RCOR3: variants seen among roughly 807,000 people sequenced by gnomAD.
The protein encoded by RCOR3 is REST corepressor 3.
RCOR3 carries 13 observed loss-of-function variants against 64.1 expected under a neutral mutation model. That is an observed-to-expected ratio of 0.20 (90% CI 0.13 to 0.32). RCOR3 has a LOEUF of 0.32. RCOR3 is among the 10% of genes least tolerant of loss of function. RCOR3 has a pLI of 1.00. For missense variants in RCOR3, 489 were observed against 701.2 expected (o/e 0.70, Z 3.42); for synonymous variants, 215 against 239.0 (o/e 0.90, Z 0.93).
At position 211,259,507 on chromosome 1, in the gene RCOR3, C is replaced by T. The variant is rs1329952225; in HGVS notation, c.-54C>T. 2.5e-5 allele frequency: 38 copies of T among 1,525,714 alleles called. No individual in the cohort carries two copies. Among genetic ancestry groups the T allele is most frequent in the Non-Finnish European group, 3.2e-5 (36 of 1,134,946 alleles). The allele number at this position is 1,525,714 out of a possible 1,614,324, so 94.5% of individuals were successfully genotyped here. A position where few individuals can be genotyped will look rare whatever the true frequency, so the allele number is the denominator to read the frequency against. On this transcript the variant is annotated 5_prime_UTR_variant, in exon 1 of 12. Transcript: ENST00000419091. ...CGCCCGCGCTCTAAGCCATCTCCGCCTTCACCCTGACGCCTGCCTCTTCCC... is the reference window on the plus strand; with the variant it reads ...CGCCCGCGCTCTAAGCCATCTCCGCTTTCACCCTGACGCCTGCCTCTTCCC...
At position 211,313,707 on chromosome 1, in the gene RCOR3, G is replaced by A; in HGVS notation, c.1601G>A (p.Gly534Asp). 1.2e-5 allele frequency: 19 copies of A among 1,614,194 alleles called. No homozygotes were observed. The highest frequency in any genetic ancestry group is 1.5e-5 in the Non-Finnish European group (18 of 1,180,040). The change falls in exon 12 of 12, where the codon GGT (glycine) becomes GAT (aspartate). Residue 534 changes from glycine to aspartate, a missense_variant. By Grantham distance (94) the Gly-to-Asp change is moderately conservative. Coordinates refer to ENST00000419091, the MANE Select transcript of RCOR3 (RefSeq NM_001136223.3). This position sits in a 1 kb window ranked among gnomAD's most constrained non-coding sequence, Gnocchi z 4.7. ...CCAAGACCGGTGTTGTCCACGGTTG[G>A]TGGTCAACAGCCACCATCACTTATT... Reference protein sequence around the residue: ...LNPRPVLSTVGGQQPPSLIGI... With the variant: ...LNPRPVLSTVDGQQPPSLIGI...
intron 8 of RCOR3, among the ~76,000 whole-genome samples, chr1:211,293,869 AAAAAGT>A (rs2102596696): frequency 6.6e-6 from 1 of 152,332 alleles, no homozygotes; most frequent in South Asian, 2.1e-4. Flanking sequence ...AAACAGAGGA[AAAAAGT>A]AAACAATCCT....
chr1:211,315,834 A>G lies in RCOR3; in HGVS notation c.*2066A>G, dbSNP rs1391451313. 6.6e-6 allele frequency: 1 copy of G among 152,246 alleles called. No individual in the cohort carries two copies. Among genetic ancestry groups the G allele is most frequent in the Non-Finnish European group, 1.5e-5 (1 of 68,038 alleles). 9.4% of individuals were successfully genotyped at this position (152,246 alleles called of 1,614,324 possible). On this transcript the variant is annotated 3_prime_UTR_variant, in exon 12 of 12. Coordinates refer to ENST00000419091, the MANE Select transcript of RCOR3 (RefSeq NM_001136223.3). ...TTGATTTACATGCATTAGAGCACAC[A>G]GTAGAAAAACTTTAGCTTCATTAGT...
At chr1:211,308,587 G>A (rs1356611997) in intron 10 of RCOR3, among the ~76,000 whole-genome samples, 1 of 148,140 alleles carries the variant, frequency 6.8e-6, no homozygotes, top group African/African-American at 2.5e-5. Flanking sequence ...AAATTTTGCT[G>A]TGAAAGCCAG....
At chr1:211,274,113 T>C in intron 3 of RCOR3, 97 bp from the exon 4 acceptor site, 13 of 741,086 alleles carry the variant, frequency 1.8e-5, no homozygotes, top group Non-Finnish European at 2.8e-5. Context: ...TACCCTGGAA[T>C]ATAAATTGTT....
intron 2 of RCOR3, among the ~76,000 whole-genome samples, chr1:211,270,997 G>C (rs1403412456): frequency 6.6e-6 from 1 of 152,076 alleles, no homozygotes; most frequent in African/African-American, 2.4e-5. Context: ...TGGGACTACA[G>C]GTGCCTGCCA....
At chr1:211,289,427 T>C (rs1463443791) in intron 8 of RCOR3, 31 bp downstream of exon 8, 2 of 1,536,874 alleles carry the variant, frequency 1.3e-6, no homozygotes, top group Non-Finnish European at 1.8e-6. Context: ...TTTTAATGAT[T>C]CTGTGCATTT....
intron 8 of RCOR3, among the ~76,000 whole-genome samples, chr1:211,289,658 C>T (rs909620707): frequency 3.3e-5 from 5 of 152,104 alleles, no homozygotes; most frequent in African/African-American, 1.2e-4. Context: ...TCTATAAAAT[C>T]GGGGATAATA....
At chr1:211,295,800 T>G (rs1699808159) in intron 9 of RCOR3, 47 bp downstream of exon 9, 3 of 1,510,522 alleles carry the variant, frequency 2.0e-6, no homozygotes, top group East Asian at 2.3e-5. Flanking sequence ...GAAAACTTGT[T>G]TTTTCAGTTA....
chr1:211,271,376 C>T lies in RCOR3; in HGVS notation c.301+67C>T, dbSNP rs116495142. On this transcript the variant is annotated intron_variant, in intron 3 of 11. Coordinates refer to ENST00000419091, the MANE Select transcript of RCOR3 (RefSeq NM_001136223.3). ...ATCAGCCAATTCAAAATATGACTTA[C>T]GTTTGTTTTTGGGTCTTATAGATTC... 3,202 of 1,314,346 alleles carry T rather than the reference C, an allele frequency of 2.4e-3. 61 individuals are homozygous for T. The African/African-American group carries it at 0.04, about 16-fold the overall frequency. 81.4% of individuals were successfully genotyped at this position (1,314,346 alleles called of 1,614,324 possible).
intron 9 of RCOR3, among the ~76,000 whole-genome samples, chr1:211,301,005 C>T (rs999916265): frequency 6.6e-6 from 1 of 151,988 alleles, no homozygotes; most frequent in Non-Finnish European, 1.5e-5. Flanking sequence ...CACTCCAATG[C>T]TGGAGGAATA....
intron 2 of RCOR3, among the ~76,000 whole-genome samples, chr1:211,262,666 C>T (rs1276897925): frequency 6.6e-6 from 1 of 152,132 alleles, no homozygotes; most frequent in Non-Finnish European, 1.5e-5. Flanking sequence ...AATGCTGGAA[C>T]AAACTTGTAC....
chr1:211,292,108 A>T (rs144920489), intron 8 of RCOR3, among the ~76,000 whole-genome samples: 6 of 152,260 alleles, frequency 3.9e-5, no homozygotes, highest in Non-Finnish European at 5.9e-5. Flanking sequence ...AGTGGCCAAC[A>T]TCTAATGCTG....
intron 9 of RCOR3, among the ~76,000 whole-genome samples, chr1:211,299,396 T>C (rs180788161): frequency 1.3e-5 from 2 of 152,282 alleles, no homozygotes; most frequent in African/African-American, 2.4e-5. Context: ...GGAGGAAAGA[T>C]TGATGAATCC....
At position 211,313,066 on chromosome 1, in the gene RCOR3, G is replaced by T. The variant is rs1701656158; in HGVS notation, c.1317+105G>T. On this transcript the variant is annotated intron_variant, in intron 11 of 11. Coordinates refer to ENST00000419091, the MANE Select transcript of RCOR3 (RefSeq NM_001136223.3). This position sits in a 1 kb window ranked among gnomAD's most constrained non-coding sequence, Gnocchi z 4.7. ...CAAGAGGACTAGCTAAATTGAGCAT[G>T]AAAGGTTGACAATACACTTCTTCAG... 5.7e-6 allele frequency: 9 copies of T among 1,575,902 alleles called. No individual in the cohort carries two copies. In the South Asian group the frequency reaches 9.5e-5, roughly 17 times the overall value.
At chr1:211,268,910 TA>T (rs1289121811) in intron 2 of RCOR3, among the ~76,000 whole-genome samples, 15 of 152,174 alleles carry the variant, frequency 9.9e-5, no homozygotes, top group African/African-American at 2.9e-4. Context: ...TATGATTTTT[TA>T]ACTAAAATTT....
At chr1:211,307,792 G>A (rs1219039313) in intron 10 of RCOR3, among the ~76,000 whole-genome samples, 7 of 151,078 alleles carry the variant, frequency 4.6e-5, no homozygotes, top group South Asian at 2.1e-4. Flanking sequence ...AATTTTTTCC[G>A]ATTGTATAAA....
At chr1:211,282,798 C>T (rs1571885390) in intron 7 of RCOR3, among the ~76,000 whole-genome samples, 1 of 152,158 alleles carries the variant, frequency 6.6e-6, no homozygotes, top group Non-Finnish European at 1.5e-5. Context: ...CGTGCCCGGC[C>T]TCAATTGCAT....
chr1:211,274,187 T>C lies in RCOR3; in HGVS notation c.302-23T>C, dbSNP rs746561855. 1.1e-5 allele frequency: 16 copies of C among 1,503,258 alleles called. No homozygotes were observed. The South Asian group carries it at 1.9e-4, about 18-fold the overall frequency. The allele number at this position is 1,503,258 out of a possible 1,614,324, so 93.1% of individuals were successfully genotyped here. A position where few individuals can be genotyped will look rare whatever the true frequency, so the allele number is the denominator to read the frequency against. ...AATGAAGTAAATGAGAATAATTAAT[T>C]ATATAACATTATTTCATTGCAGTGG... On this transcript the variant is annotated intron_variant, in intron 3 of 11. Coordinates refer to ENST00000419091, the MANE Select transcript of RCOR3 (RefSeq NM_001136223.3).
Sources: gnomAD v4.1 joint callset for allele counts (sites outside exome capture counted in the v4.1 genomes callset) on GRCh38, gnomAD v4.1.1 for gene constraint, Gnocchi (gnomAD v3.1) non-coding constraint, MANE v1.5 for transcripts, NCBI Gene and HGNC (gene_info 2026-07-23, HGNC 2026-07-21) for gene names.